The following SLIT2 variants were observed in gnomAD, a reference collection of about 807,000 sequenced individuals.
The protein encoded by SLIT2 is slit homolog 2 protein.
SLIT2 carries 41 observed loss-of-function variants against 185.7 expected under a neutral mutation model. The ratio of observed to expected loss-of-function variants is 0.22; its 90% CI spans 0.17 to 0.29. SLIT2 has a LOEUF of 0.29. Ranked by LOEUF, SLIT2 falls within the 10% of genes least tolerant of loss-of-function variation. SLIT2 has a pLI of 1.00. For missense variants in SLIT2, 1,571 were observed against 1,909.0 expected (o/e 0.82, Z 3.30); for synonymous variants, 693 against 680.2 (o/e 1.02, Z -0.29).
intron 15 of SLIT2, among the ~76,000 whole-genome samples, chr4:20,525,907 A>G (rs1013778004): frequency 4.5e-4 from 68 of 152,298 alleles, no homozygotes; most frequent in African/African-American, 1.6e-3. Context: ...ATGTTTTACC[A>G]CTTCAATCGT....
intron 4 of SLIT2, among the ~76,000 whole-genome samples, chr4:20,458,165 C>T (rs1258653376): frequency 2.0e-5 from 3 of 150,298 alleles, no homozygotes; most frequent in Non-Finnish European, 2.9e-5. Flanking sequence ...ACAGTGTGAA[C>T]GTACTTAACA....
At chr4:20,513,738 G>T (rs567007718) in intron 11 of SLIT2, among the ~76,000 whole-genome samples, 1 of 151,622 alleles carries the variant, frequency 6.6e-6, no homozygotes, top group African/African-American at 2.4e-5. Context: ...GCTGTGGTTG[G>T]CGGGGGGAAG....
chr4:20,617,363 A>C, intron 35 of SLIT2, 76 bp from the exon 36 acceptor site: 1 of 1,463,420 alleles, frequency 6.8e-7, no homozygotes, highest in South Asian at 1.2e-5. Flanking sequence ...ATCATCCTCC[A>C]TTCTTATATC....
intron 4 of SLIT2, among the ~76,000 whole-genome samples, chr4:20,313,571 T>C (rs1410138013): frequency 2.0e-5 from 3 of 152,150 alleles, no homozygotes; most frequent in Non-Finnish European, 4.4e-5. Context: ...CTGCCTTCTT[T>C]TTTTCTTTTT....
chr4:20,492,364 G>A (rs1186118189), intron 9 of SLIT2, among the ~76,000 whole-genome samples: 3 of 152,166 alleles, frequency 2.0e-5, no homozygotes, highest in African/African-American at 7.2e-5. Context: ...AGTGAAGAAA[G>A]GATAACATAA....
intron 11 of SLIT2, 130 bp downstream of exon 11, chr4:20,511,267 A>G: frequency 1.8e-6 from 1 of 561,798 alleles, no homozygotes; most frequent in Non-Finnish European, 3.2e-6. Context: ...AATGTTAATT[A>G]TTATTAACCA....
chr4:20,569,795 C>G (rs776482740), intron 29 of SLIT2, among the ~76,000 whole-genome samples: 2 of 152,008 alleles, frequency 1.3e-5, no homozygotes, highest in Non-Finnish European at 2.9e-5. Flanking sequence ...TTTGATCACT[C>G]TACTCAAAGT....
intron 18 of SLIT2, 147 bp downstream of exon 18, chr4:20,533,862 C>T (rs981305878): frequency 5.8e-5 from 39 of 671,082 alleles, no homozygotes; most frequent in Admixed American, 1.6e-4. Flanking sequence ...ACATACACAC[C>T]GCTACACACA....
intron 4 of SLIT2, among the ~76,000 whole-genome samples, chr4:20,354,374 T>C (rs1399765017): frequency 1.6e-4 from 25 of 152,086 alleles, no homozygotes; most frequent in Admixed American, 1.6e-3. Context: ...GAGAAAACCT[T>C]GGAGGATTAA....
At chr4:20,589,599 C>T (rs1005004752) in intron 29 of SLIT2, 45 bp from the exon 30 acceptor site, 1 of 1,409,902 alleles carries the variant, frequency 7.1e-7, no homozygotes, top group Non-Finnish European at 1.0e-6. Flanking sequence ...GGCAGGAAGC[C>T]TGTTGACCTT....
At chr4:20,506,457 A>G (rs1192022979) in intron 9 of SLIT2, among the ~76,000 whole-genome samples, 1 of 152,004 alleles carries the variant, frequency 6.6e-6, no homozygotes, top group African/African-American at 2.4e-5. Flanking sequence ...CTTCTATGCT[A>G]TTAAAGCACA....
At chr4:20,370,845 G>A (rs572268205) in intron 4 of SLIT2, among the ~76,000 whole-genome samples, 1 of 152,084 alleles carries the variant, frequency 6.6e-6, no homozygotes, top group Non-Finnish European at 1.5e-5. Context: ...CCCATGGGTA[G>A]TTTTTAAGCT....
intron 4 of SLIT2, among the ~76,000 whole-genome samples, chr4:20,320,662 T>C (rs368146373): frequency 4.0e-4 from 61 of 152,250 alleles, no homozygotes; most frequent in African/African-American, 1.4e-3. Flanking sequence ...AGGATTTTCC[T>C]GGACAGTTTT....
intron 28 of SLIT2, among the ~76,000 whole-genome samples, chr4:20,567,816 T>C (rs1725232209): frequency 6.6e-6 from 1 of 152,082 alleles, no homozygotes; most frequent in Admixed American, 6.6e-5. Context: ...CACAGGATGC[T>C]ACAAAACCAA....
intron 4 of SLIT2, among the ~76,000 whole-genome samples, chr4:20,419,344 A>G (rs901061918): frequency 2.0e-5 from 3 of 152,222 alleles, no homozygotes; most frequent in African/African-American, 7.2e-5. Context: ...ATGTGTATGT[A>G]TGCTTATAAA....
chr4:20,576,325 TG>T (rs1726083335), intron 29 of SLIT2, among the ~76,000 whole-genome samples: 1 of 152,202 alleles, frequency 6.6e-6, no homozygotes, highest in Admixed American at 6.5e-5. Flanking sequence ...TTATTATTAT[TG>T]TTTTTAATTG....
At chr4:20,368,402 C>A (rs963653542) in intron 4 of SLIT2, among the ~76,000 whole-genome samples, 5 of 151,526 alleles carry the variant, frequency 3.3e-5, no homozygotes, top group African/African-American at 4.8e-5. Flanking sequence ...TTCTCAGTAG[C>A]CCTCTGGAAA....
intron 4 of SLIT2, among the ~76,000 whole-genome samples, chr4:20,312,257 C>T (rs1718178192): frequency 6.6e-6 from 1 of 152,082 alleles, no homozygotes; most frequent in Non-Finnish European, 1.5e-5. Context: ...CTAACTTAGG[C>T]ATTTTATTGT....
intron 4 of SLIT2, among the ~76,000 whole-genome samples, chr4:20,426,690 A>T (rs1005289055): frequency 6.6e-6 from 1 of 152,196 alleles, no homozygotes; most frequent in African/African-American, 2.4e-5. Context: ...GAGAGCTGGG[A>T]TCTACAGAGC....
Sources: gnomAD v4.1 joint callset for allele counts (sites outside exome capture counted in the v4.1 genomes callset) on GRCh38, gnomAD v4.1.1 for gene constraint, MANE v1.5 for transcripts, NCBI Gene and HGNC (gene_info 2026-07-23, HGNC 2026-07-21) for gene names.